The following TBCK variants were observed in gnomAD, a reference collection of about 807,000 sequenced individuals.
TBCK encodes the protein TBC domain-containing protein kinase-like protein.
TBCK carries 99 observed loss-of-function variants against 113.4 expected under a neutral mutation model. The ratio of observed to expected loss-of-function variants is 0.87; its 90% CI spans 0.74 to 1.03. The LOEUF is 1.03. Among genes scored for constraint, TBCK ranks in the 50% least tolerant of loss-of-function variants. The pLI, the probability that TBCK is intolerant of heterozygous loss-of-function variation, is 0.00. For synonymous variants in TBCK, 369 were observed against 370.8 expected (o/e 1.00, Z 0.05); for missense variants, 1,045 against 1,061.3 (o/e 0.98, Z 0.21).
intron 23 of TBCK, among the ~76,000 whole-genome samples, chr4:106,151,770 A>C (rs1263120345): frequency 1.3e-5 from 2 of 151,884 alleles, no homozygotes; most frequent in African/African-American, 4.8e-5. Context: ...TTCTTGTATT[A>C]ATGTTTCATA....
At chr4:106,171,029 T>C (rs1462476877) in intron 23 of TBCK, 66 bp downstream of exon 23, 1 of 1,258,016 alleles carries the variant, frequency 7.9e-7, no homozygotes, top group Non-Finnish European at 1.1e-6. Context: ...ATAAAGATAC[T>C]AGGGTATATT....
At chr4:106,100,552 T>C (rs968581656) in intron 24 of TBCK, among the ~76,000 whole-genome samples, 4 of 151,820 alleles carry the variant, frequency 2.6e-5, no homozygotes, top group African/African-American at 7.3e-5. Context: ...TCACTCTTTA[T>C]GACAGGATAT....
chr4:106,101,480 T>C (rs987247983), intron 24 of TBCK, among the ~76,000 whole-genome samples: 142 of 152,318 alleles, frequency 9.3e-4, no homozygotes, highest in Non-Finnish European at 3.8e-4. Flanking sequence ...ATCTTTAAAT[T>C]GCTTTGAAGA....
chr4:106,176,519 C>T (rs1454426480), intron 22 of TBCK, among the ~76,000 whole-genome samples: 1 of 152,004 alleles, frequency 6.6e-6, no homozygotes, highest in African/African-American at 2.4e-5. Context: ...ATTTCATTGC[C>T]TTTTATCGCT....
chr4:106,134,284 A>C (rs1322370219), intron 23 of TBCK, among the ~76,000 whole-genome samples: 2 of 152,158 alleles, frequency 1.3e-5, no homozygotes, highest in Non-Finnish European at 2.9e-5. Context: ...TAAATTCCTT[A>C]TATTTCATTT....
intron 23 of TBCK, among the ~76,000 whole-genome samples, chr4:106,153,706 T>G (rs1019851737): frequency 4.6e-5 from 7 of 152,132 alleles, no homozygotes; most frequent in Admixed American, 2.6e-4. Flanking sequence ...CATCTCTCTC[T>G]TTAGTGCTAA....
In TBCK at chr4:106,271,485, C is replaced by T. The variant is rs568787386; in HGVS notation, c.267-9273G>A. On this transcript the variant is annotated intron_variant, in intron 3 of 25. Coordinates refer to ENST00000394708, the MANE Select transcript of TBCK (RefSeq NM_001163435.3). Reference sequence around the variant, plus strand: ...TTAAAACTGTTCTTAACAGTGGTGGCTCACACCTGTAATCCCAGCACTTTG... The same window carrying T: ...TTAAAACTGTTCTTAACAGTGGTGGTTCACACCTGTAATCCCAGCACTTTG... Among the ~76,000 whole-genome samples, 287 of 152,200 alleles carry T rather than the reference C, an allele frequency of 1.9e-3. 1 individual carries two copies. Among genetic ancestry groups the T allele is most frequent in the South Asian group, 4.1e-3 (20 of 4,822 alleles).
chr4:106,294,426 G>C (rs1015017610), intron 3 of TBCK, among the ~76,000 whole-genome samples: 7 of 151,394 alleles, frequency 4.6e-5, no homozygotes, highest in Non-Finnish European at 8.8e-5. Context: ...AGGAGTTTGA[G>C]ACCAGCCTGG....
chr4:106,058,039 T>C (rs954626522), intron 25 of TBCK, among the ~76,000 whole-genome samples: 4 of 151,768 alleles, frequency 2.6e-5, no homozygotes, highest in Non-Finnish European at 4.4e-5. Flanking sequence ...TACTGCAAAC[T>C]ATTATTTTCA....
chr4:106,305,928 G>A (rs1767468760), intron 2 of TBCK, among the ~76,000 whole-genome samples: 1 of 152,182 alleles, frequency 6.6e-6, no homozygotes, highest in Admixed American at 6.5e-5. Flanking sequence ...TCATTGTTTA[G>A]CATATAATCA....
intron 24 of TBCK, among the ~76,000 whole-genome samples, chr4:106,098,466 T>C (rs888607335): frequency 2.0e-5 from 3 of 152,018 alleles, no homozygotes; most frequent in African/African-American, 7.2e-5. Context: ...TTACAATTTT[T>C]GGTTAGGTTT....
At chr4:106,288,700 G>T (rs902303663) in intron 3 of TBCK, among the ~76,000 whole-genome samples, 1 of 152,090 alleles carries the variant, frequency 6.6e-6, no homozygotes, top group Non-Finnish European at 1.5e-5. Context: ...ACATGTTGTG[G>T]GTACCAGTAG....
intron 22 of TBCK, among the ~76,000 whole-genome samples, chr4:106,183,625 T>C (rs1277842816): frequency 6.6e-6 from 1 of 152,098 alleles, no homozygotes; most frequent in African/African-American, 2.4e-5. Context: ...TAAACTTACA[T>C]AGGTCTCATA....
intron 25 of TBCK, among the ~76,000 whole-genome samples, chr4:106,072,463 C>G (rs957351695): frequency 2.6e-5 from 4 of 152,194 alleles, no homozygotes; most frequent in Non-Finnish European, 5.9e-5. Context: ...GCCGAGAGAT[C>G]TGCTGTTAGT....
At chr4:106,294,902 G>A (rs1349900423) in intron 3 of TBCK, among the ~76,000 whole-genome samples, 192 bp downstream of exon 3, 1 of 149,174 alleles carries the variant, frequency 6.7e-6, no homozygotes, top group Non-Finnish European at 1.5e-5. Flanking sequence ...CCTCACAAAA[G>A]ATGAACACTG....
intron 23 of TBCK, among the ~76,000 whole-genome samples, chr4:106,132,732 C>T (rs962286708): frequency 1.3e-5 from 2 of 152,186 alleles, no homozygotes; most frequent in Non-Finnish European, 2.9e-5. Flanking sequence ...GGCAGAGCTG[C>T]CCAAGGCTAT....
At chr4:106,238,556 T>C (rs1472501081) in intron 12 of TBCK, 4 of 151,948 alleles carry the variant, frequency 2.6e-5, no homozygotes, top group Non-Finnish European at 2.9e-5. Context: ...AAGAAAAAAC[T>C]AGGGGAATTG....
chr4:106,060,035 TGAG>T (rs1168937861), intron 25 of TBCK, among the ~76,000 whole-genome samples: 1 of 151,670 alleles, frequency 6.6e-6, no homozygotes, highest in Non-Finnish European at 1.5e-5. Context: ...CTGTGAGAGA[TGAG>T]GAAGCTGGAG....
intron 25 of TBCK, among the ~76,000 whole-genome samples, chr4:106,063,128 T>C (rs2149463620): frequency 6.6e-6 from 1 of 152,084 alleles, no homozygotes; most frequent in South Asian, 2.1e-4. Context: ...TCAAGGTGCA[T>C]TAATATATAA....
Sources: gnomAD v4.1 joint callset for allele counts (sites outside exome capture counted in the v4.1 genomes callset) on GRCh38, gnomAD v4.1.1 for gene constraint, MANE v1.5 for transcripts, NCBI Gene and HGNC (gene_info 2026-07-23, HGNC 2026-07-21) for gene names.